Variants in PDE4D observed in about 807,000 individuals in gnomAD.
PDE4D encodes the protein 3',5'-cyclic-AMP phosphodiesterase 4D.
PDE4D carries 24 observed loss-of-function variants against 87.4 expected under a neutral mutation model. The ratio of observed to expected loss-of-function variants is 0.27; its 90% confidence interval spans 0.20 to 0.39. The LOEUF (loss-of-function observed/expected upper bound fraction) is 0.39, where lower values mean the gene tolerates loss of function less well. Ranked by LOEUF, PDE4D falls within the 10% of genes least tolerant of loss-of-function variation. The pLI is 1.00. For synonymous variants in PDE4D, 384 were observed against 383.2 expected (o/e 1.00, Z -0.02); for missense variants, 714 against 1,041.0 (o/e 0.69, Z 4.32).
intron 1 of PDE4D, among the ~76,000 whole-genome samples, chr5:59,447,721 G>A (rs1798550085): frequency 6.6e-6 from 1 of 152,222 alleles, no homozygotes; most frequent in South Asian, 2.1e-4. Flanking sequence ...TTGTAAAAAT[G>A]TTTAACAGCT....
chr5:59,443,452 C>T (rs1285514053), intron 1 of PDE4D, among the ~76,000 whole-genome samples: 2 of 152,156 alleles, frequency 1.3e-5, no homozygotes, highest in Non-Finnish European at 2.9e-5. Context: ...TGGCAGAATT[C>T]CTGAACAGCA....
intron 5 of PDE4D, among the ~76,000 whole-genome samples, chr5:59,097,607 A>T (rs1417991015): frequency 1.3e-5 from 2 of 152,248 alleles, no homozygotes; most frequent in East Asian, 3.8e-4. Context: ...CTTAGAAGAA[A>T]GCTTTTTTCT....
chr5:59,454,691 G>A (rs1275502840), intron 1 of PDE4D, among the ~76,000 whole-genome samples: 1 of 152,186 alleles, frequency 6.6e-6, no homozygotes, highest in Non-Finnish European at 1.5e-5. Flanking sequence ...GGAACAGTTA[G>A]GAGGGCTTAG....
chr5:59,503,567 C>T (rs1302317067), intron 1 of PDE4D, among the ~76,000 whole-genome samples: 1 of 152,172 alleles, frequency 6.6e-6, no homozygotes, highest in Non-Finnish European at 1.5e-5. Context: ...ATGCTCAGAA[C>T]TGAGTTTATT....
intron 1 of PDE4D, among the ~76,000 whole-genome samples, chr5:60,268,996 C>G (rs1330818690): frequency 6.6e-6 from 1 of 152,162 alleles, no homozygotes; most frequent in Non-Finnish European, 1.5e-5. Flanking sequence ...CCACTGCTAA[C>G]ATTCATATAT....
At chr5:59,005,600 G>A (rs1232650326) in intron 6 of PDE4D, among the ~76,000 whole-genome samples, 1 of 152,176 alleles carries the variant, frequency 6.6e-6, no homozygotes, top group Non-Finnish European at 1.5e-5. Flanking sequence ...AATTCTTATA[G>A]TCAGACTTGG....
chr5:59,859,099 T>A (rs1381629442), intron 1 of PDE4D, among the ~76,000 whole-genome samples: 1 of 152,234 alleles, frequency 6.6e-6, no homozygotes, highest in Middle Eastern at 3.2e-3. Context: ...GCCATTATAA[T>A]CTTTAGTAAG....
intron 1 of PDE4D, among the ~76,000 whole-genome samples, chr5:59,860,420 C>A (rs1746086262): frequency 6.6e-6 from 1 of 152,074 alleles, no homozygotes; most frequent in Non-Finnish European, 1.5e-5. Flanking sequence ...ACATGCACCC[C>A]ACTAAGTGAT....
chr5:59,014,383 T>C (rs1366474806), intron 6 of PDE4D, among the ~76,000 whole-genome samples: 1 of 152,192 alleles, frequency 6.6e-6, no homozygotes, highest in Non-Finnish European at 1.5e-5. Flanking sequence ...GACATGATTA[T>C]ATATTTAGAA....
chr5:59,312,997 C>T (rs1014017369), intron 1 of PDE4D, among the ~76,000 whole-genome samples: 3 of 152,120 alleles, frequency 2.0e-5, no homozygotes, highest in African/African-American at 7.2e-5. Flanking sequence ...AGATAAGTCC[C>T]ACTGGAAGAG....
chr5:59,031,348 C>T (rs1757350502), intron 6 of PDE4D, among the ~76,000 whole-genome samples: 1 of 127,794 alleles, frequency 7.8e-6, no homozygotes, highest in Non-Finnish European at 1.6e-5. Context: ...ATCAAGTGTG[C>T]ATAAAGAAAA....
At chr5:59,027,660 T>G (rs1257640795) in intron 6 of PDE4D, among the ~76,000 whole-genome samples, 1 of 152,210 alleles carries the variant, frequency 6.6e-6, no homozygotes, top group Non-Finnish European at 1.5e-5. Flanking sequence ...AGTTTGCTCT[T>G]GCAACTCTTC....
At chr5:59,633,855 A>G (rs1013307886) in intron 1 of PDE4D, among the ~76,000 whole-genome samples, 1 of 152,226 alleles carries the variant, frequency 6.6e-6, no homozygotes, top group Non-Finnish European at 1.5e-5. Context: ...AACAGCTAGC[A>G]TCATAATGAC....
intron 2 of PDE4D, among the ~76,000 whole-genome samples, chr5:60,172,222 T>C (rs989534175): frequency 6.7e-6 from 1 of 149,732 alleles, no homozygotes; most frequent in South Asian, 2.1e-4. Context: ...AATTACTTTA[T>C]AAGTTAATTT....
chr5:60,380,437 T>A (rs1238760149), intron 1 of PDE4D, among the ~76,000 whole-genome samples: 1 of 152,230 alleles, frequency 6.6e-6, no homozygotes, highest in Non-Finnish European at 1.5e-5. Flanking sequence ...ACATAGTATA[T>A]GCACCACTTT....
intron 1 of PDE4D, among the ~76,000 whole-genome samples, chr5:59,869,485 A>G (rs534954433): frequency 1.3e-5 from 2 of 152,334 alleles, no homozygotes; most frequent in South Asian, 4.1e-4. Context: ...GCATCAGATC[A>G]TGCAGATTCC....
intron 3 of PDE4D, among the ~76,000 whole-genome samples, chr5:59,975,184 C>A (rs1030321281): frequency 2.0e-5 from 3 of 152,178 alleles, no homozygotes; most frequent in African/African-American, 7.2e-5. Flanking sequence ...AAACTGCCCA[C>A]CTTTTTGTCA....
intron 2 of PDE4D, among the ~76,000 whole-genome samples, chr5:60,179,907 T>C (rs1052831608): frequency 1.3e-5 from 2 of 152,192 alleles, no homozygotes; most frequent in Admixed American, 1.3e-4. Flanking sequence ...TTCTTCAAAA[T>C]TTCACTTTGT....
intron 1 of PDE4D, among the ~76,000 whole-genome samples, chr5:59,612,510 G>A (rs570470602): frequency 4.6e-5 from 7 of 151,990 alleles, no homozygotes; most frequent in Non-Finnish European, 8.8e-5. Context: ...TAAAGGCCAG[G>A]GATATAGCAG....
Sources: gnomAD v4.1 joint callset for allele counts (sites outside exome capture counted in the v4.1 genomes callset) on GRCh38, gnomAD v4.1.1 for gene constraint, MANE v1.5 for transcripts, NCBI Gene and HGNC (gene_info 2026-07-23, HGNC 2026-07-21) for gene names.